The following MEMO1 variants were observed in gnomAD, a reference collection of about 807,000 sequenced individuals.
MEMO1 encodes protein MEMO1.
A neutral mutation model predicts 45.2 loss-of-function variants in MEMO1; 6 were observed. The ratio of observed to expected loss-of-function variants is 0.13; its 90% CI spans 0.07 to 0.26. MEMO1 has a LOEUF of 0.26. Ranked by LOEUF, MEMO1 falls within the 10% of genes least tolerant of loss-of-function variation. The pLI is 1.00. For missense variants in MEMO1, 184 were observed against 370.5 expected, an observed-to-expected ratio of 0.50 and a Z score of 4.13; for synonymous variants, 78 against 124.3, an observed-to-expected ratio of 0.63 and a Z score of 2.48.
intron 7 of MEMO1, among the ~76,000 whole-genome samples, chr2:31,888,069 T>G (rs1676447335): frequency 6.6e-6 from 1 of 152,114 alleles, no homozygotes; most frequent in African/African-American, 2.4e-5. Context: ...AGTAAACTTC[T>G]CATATTTAAA....
chr2:31,965,242 GAAAGGGAGGGAAA>G (rs1335458951), intron 2 of MEMO1, among the ~76,000 whole-genome samples: 2 of 148,540 alleles, frequency 1.3e-5, no homozygotes, highest in East Asian at 2.0e-4. Context: ...AGGAAGGGAA[GAAAGGGAGGGAAA>G]AAAGGGAGGG....
intron 7 of MEMO1, among the ~76,000 whole-genome samples, chr2:31,887,361 A>G (rs187845119): frequency 6.6e-6 from 1 of 152,332 alleles, no homozygotes; most frequent in African/African-American, 2.4e-5. Context: ...AAGTTGATCT[A>G]TAAAGCCCCC....
chr2:31,998,668 T>C (rs1469974054), intron 2 of MEMO1, among the ~76,000 whole-genome samples: 1 of 151,972 alleles, frequency 6.6e-6, no homozygotes, highest in East Asian at 1.9e-4. Flanking sequence ...GGCATGGTGG[T>C]GGGCGCCTGT....
chr2:31,913,188 C>T lies in MEMO1; in HGVS notation c.437+4738G>A, dbSNP rs1260623890. Among the ~76,000 whole-genome samples the T allele has an allele frequency of 2.2e-5, 3 of 138,708 alleles. No homozygotes were observed. In the East Asian group the frequency reaches 6.3e-4, roughly 29 times the overall value. 91.0% of individuals were successfully genotyped at this position (138,708 alleles called of 152,430 possible). A position where few individuals can be genotyped will look rare whatever the true frequency, so the allele number is the denominator to read the frequency against. ...GCTGAGGCAGGAGAATCACTTGACC[C>T]AGGAGGCGGAGGATGCAGTGAGCCA... On this transcript the variant is annotated intron_variant, in intron 6 of 9. Coordinates refer to ENST00000404530, the MANE Select transcript of MEMO1 (RefSeq NM_001301833.4).
intron 2 of MEMO1, among the ~76,000 whole-genome samples, chr2:31,985,508 TAC>T (rs1226086248): frequency 5.3e-5 from 8 of 152,156 alleles, no homozygotes; most frequent in African/African-American, 1.7e-4. Flanking sequence ...GTATTTTTAG[TAC>T]AGACAGGGTT....
chr2:31,905,079 T>A (rs1335826509), intron 6 of MEMO1, among the ~76,000 whole-genome samples: 1 of 151,702 alleles, frequency 6.6e-6, no homozygotes, highest in Non-Finnish European at 1.5e-5. Flanking sequence ...ACAAAAAATA[T>A]AAAAATTGGC....
At chr2:31,995,623 G>T (rs78204322) in intron 2 of MEMO1, among the ~76,000 whole-genome samples, 1 of 151,630 alleles carries the variant, frequency 6.6e-6, no homozygotes, top group Non-Finnish European at 1.5e-5. Context: ...AAAAGGGGGG[G>T]AACATTCTCA....
At chr2:31,994,718 C>T (rs1296353971) in intron 2 of MEMO1, among the ~76,000 whole-genome samples, 1 of 152,064 alleles carries the variant, frequency 6.6e-6, no homozygotes, top group African/African-American at 2.4e-5. Context: ...GAGGCCAAGG[C>T]AGGCGGATCA....
chr2:31,878,308 G>A (rs759252885), intron 8 of MEMO1, among the ~76,000 whole-genome samples: 21 of 152,180 alleles, frequency 1.4e-4, no homozygotes, highest in Non-Finnish European at 2.6e-4. Flanking sequence ...CCACTGTAAA[G>A]ACACTGGCTT....
chr2:31,874,530 T>C (rs951554710), intron 8 of MEMO1, among the ~76,000 whole-genome samples: 2 of 152,092 alleles, frequency 1.3e-5, no homozygotes, highest in African/African-American at 4.8e-5. Flanking sequence ...ATTTTTCTTT[T>C]GCAACTTAGT....
At chr2:31,985,978 T>C (rs542233866) in intron 2 of MEMO1, among the ~76,000 whole-genome samples, 1 of 152,242 alleles carries the variant, frequency 6.6e-6, no homozygotes, top group African/African-American at 2.4e-5. Context: ...AGTATATAAA[T>C]ATATATACTT....
chr2:31,873,518 A>G (rs779779866), intron 8 of MEMO1, among the ~76,000 whole-genome samples: 4 of 152,138 alleles, frequency 2.6e-5, no homozygotes, highest in Admixed American at 6.6e-5. Context: ...CCCTGATAAG[A>G]CAACAAATTA....
intron 8 of MEMO1, among the ~76,000 whole-genome samples, chr2:31,878,016 A>C (rs1453375026): frequency 1.3e-5 from 2 of 152,238 alleles, no homozygotes; most frequent in African/African-American, 4.8e-5. Flanking sequence ...TTAAGTATTT[A>C]GTTTTTTAGA....
Position 31,881,318 on chromosome 2 carries a change from C to T in MEMO1, c.657+2068G>A, listed in dbSNP as rs898584219. ...CAGTCTGGGCAACATGGCGAAACCT[C>T]GTCTCTACAAAAAACTACAAAAAAA... On this transcript the variant is annotated intron_variant, in intron 8 of 9. Transcript: ENST00000404530. 9.3e-5 allele frequency among the ~76,000 whole-genome samples: 14 copies of T among 150,918 alleles called. No individual in the cohort carries two copies. The East Asian group carries it at 2.3e-3, about 25-fold the overall frequency.
chr2:32,010,415 G>C (rs1258262694), intron 1 of MEMO1, 151 bp from the exon 2 acceptor site: 41 of 415,512 alleles, frequency 9.9e-5, no homozygotes, highest in Non-Finnish European at 1.7e-4. Flanking sequence ...AGGAGGAGGC[G>C]GCGGCCCAGG....
At chr2:31,921,631 C>T (rs1682320079) in intron 4 of MEMO1, among the ~76,000 whole-genome samples, 1 of 151,996 alleles carries the variant, frequency 6.6e-6, no homozygotes, top group Admixed American at 6.5e-5. Flanking sequence ...CTAAAATAAC[C>T]TTCTAAGATC....
At chr2:32,006,865 T>G (rs183107284) in intron 2 of MEMO1, among the ~76,000 whole-genome samples, 132 of 148,302 alleles carry the variant, frequency 8.9e-4, no homozygotes, top group African/African-American at 3.2e-3. Context: ...CTCAGGAGGC[T>G]GAGGCAGAGG....
At chr2:31,877,425 CACAAA>C (rs1449949845) in intron 8 of MEMO1, among the ~76,000 whole-genome samples, 2 of 152,190 alleles carry the variant, frequency 1.3e-5, no homozygotes, top group Non-Finnish European at 2.9e-5. Context: ...CAGTTTCATA[CACAAA>C]GACTGTTCTC....
At chr2:32,000,274 G>C (rs1201363640) in intron 2 of MEMO1, among the ~76,000 whole-genome samples, 1 of 150,652 alleles carries the variant, frequency 6.6e-6, no homozygotes, top group Admixed American at 6.6e-5. Context: ...TTGTTGCCCA[G>C]ACTGGAGTGC....
Sources: allele counts gnomAD v4.1 joint callset (sites outside exome capture counted in the v4.1 genomes callset), GRCh38; gene constraint gnomAD v4.1.1; transcripts MANE v1.5; gene names NCBI Gene and HGNC (gene_info 2026-07-23, HGNC 2026-07-21).